Variants in OPCML observed in about 807,000 individuals in gnomAD.
The protein encoded by OPCML is opioid binding protein/cell adhesion molecule like.
In OPCML, 13 loss-of-function variants were observed where a neutral mutation model predicts 37.8. The observed-to-expected ratio is 0.34, with a 90% CI of 0.22 to 0.55. The LOEUF (loss-of-function observed/expected upper bound fraction) is 0.55. OPCML is among the 20% of genes least tolerant of loss of function. The pLI is 0.91. For synonymous variants in OPCML, 176 were observed against 168.8 expected (o/e 1.04, Z -0.33); for missense variants, 341 against 435.6 (o/e 0.78, Z 1.93).
intron 1 of OPCML, among the ~76,000 whole-genome samples, chr11:132,967,826 G>A (rs547115294): frequency 3.9e-5 from 6 of 152,232 alleles, no homozygotes; most frequent in Admixed American, 1.3e-4. Context: ...TGGTCTGCAA[G>A]CAAGGTTTCT....
intron 1 of OPCML, among the ~76,000 whole-genome samples, chr11:132,988,488 A>G (rs11223317): frequency 0.29 from 43,862 of 152,160 alleles, 7,041 homozygotes; most frequent in African/African-American, 0.43. Context: ...CTGAGAAGAT[A>G]GTAAAGGCAT....
intron 2 of OPCML, among the ~76,000 whole-genome samples, chr11:132,845,189 A>G (rs1478632430): frequency 6.6e-6 from 1 of 151,932 alleles, no homozygotes; most frequent in Non-Finnish European, 1.5e-5. Context: ...TTCTTTAGTC[A>G]TCAGTGCCTC....
chr11:132,964,860 C>A (rs1946178962), intron 1 of OPCML, among the ~76,000 whole-genome samples: 1 of 152,158 alleles, frequency 6.6e-6, no homozygotes, highest in African/African-American at 2.4e-5. Context: ...AATGGGAAAA[C>A]TGAGGCTCAG....
intron 1 of OPCML, among the ~76,000 whole-genome samples, chr11:133,150,486 G>A (rs1949963381): frequency 6.6e-6 from 1 of 152,208 alleles, no homozygotes. Context: ...TAGAGCTGCA[G>A]GAATTTGAGC....
chr11:132,492,612 G>C lies in OPCML; in HGVS notation c.505+36449C>G, dbSNP rs557806698. On this transcript the variant is annotated intron_variant, in intron 4 of 7. Transcript: ENST00000524381. ...TTCAGTTTGATTTGGGGCATAGTAA[G>C]CTTGAGAGGCCCAGTTTGGCTTCCT... is the stretch of plus-strand genomic sequence containing the variant. Among the ~76,000 whole-genome samples, 83 of 152,246 alleles carry C rather than the reference G, an allele frequency of 5.5e-4. 1 individual carries two copies. The South Asian group carries it at 5.8e-3, about 11-fold the overall frequency.
chr11:132,727,255 C>A (rs1202739671), intron 2 of OPCML, among the ~76,000 whole-genome samples: 2 of 152,172 alleles, frequency 1.3e-5, no homozygotes, highest in African/African-American at 4.8e-5. Context: ...GGATTGCAAA[C>A]CCAGGTATTC....
intron 1 of OPCML, among the ~76,000 whole-genome samples, chr11:133,418,797 C>G (rs75123850): frequency 0.065 from 9,944 of 152,212 alleles, 917 homozygotes; most frequent in African/African-American, 0.2. Context: ...TTCTGTAGGT[C>G]ATAAGATTTG....
At chr11:132,604,000 A>G (rs1311346685) in intron 3 of OPCML, among the ~76,000 whole-genome samples, 1 of 152,196 alleles carries the variant, frequency 6.6e-6, no homozygotes, top group Non-Finnish European at 1.5e-5. Context: ...TCCACAAGAA[A>G]GCCAACTCCA....
chr11:132,510,196 T>C (rs1217979589), intron 4 of OPCML, among the ~76,000 whole-genome samples: 1 of 152,192 alleles, frequency 6.6e-6, no homozygotes, highest in Admixed American at 6.5e-5. Context: ...AATTTCTCCC[T>C]TTTGGAATGA....
intron 1 of OPCML, among the ~76,000 whole-genome samples, chr11:133,399,271 C>G (rs557679529): frequency 2.6e-4 from 40 of 152,232 alleles, no homozygotes; most frequent in African/African-American, 9.1e-4. Flanking sequence ...ATTGATGACG[C>G]GTGGTGGCTT....
chr11:132,722,938 T>A (rs1311278697), intron 2 of OPCML, among the ~76,000 whole-genome samples: 3 of 152,166 alleles, frequency 2.0e-5, no homozygotes, highest in African/African-American at 4.8e-5. Context: ...AATGAAAAAG[T>A]ATCAAGGGGA....
rs144308393 is a variant in OPCML, at chr11:132,713,871, G to C, written c.147-56552C>G. Among the ~76,000 whole-genome samples, 286 of 152,306 alleles carry C rather than the reference G, an allele frequency of 1.9e-3. 1 individual carries two copies. Among genetic ancestry groups the C allele is most frequent in the African/African-American group, 6.5e-3 (271 of 41,564 alleles). ...ACATGGTATTTCCACACCAGGAAAG[G>C]TCTCCTATGAAAATGATCCCCTTTC... On this transcript the variant is annotated intron_variant, in intron 2 of 7. Transcript: ENST00000524381.
intron 2 of OPCML, among the ~76,000 whole-genome samples, chr11:132,753,247 C>A (rs1299938859): frequency 6.6e-6 from 1 of 152,136 alleles, no homozygotes; most frequent in Admixed American, 6.5e-5. Flanking sequence ...CTCTGTACTT[C>A]CATTTCAGAG....
At chr11:132,826,006 T>G (rs886348603) in intron 2 of OPCML, among the ~76,000 whole-genome samples, 9 of 152,190 alleles carry the variant, frequency 5.9e-5, no homozygotes, top group African/African-American at 2.2e-4. Flanking sequence ...TTTTCCAGAC[T>G]CTTTCAGAAT....
At chr11:133,082,085 G>C (rs1196932460) in intron 1 of OPCML, among the ~76,000 whole-genome samples, 1 of 152,002 alleles carries the variant, frequency 6.6e-6, no homozygotes, top group Non-Finnish European at 1.5e-5. Flanking sequence ...GCCCTGAGAC[G>C]GCCGGGGGTG....
chr11:132,941,466 T>G (rs1945574562), intron 2 of OPCML, among the ~76,000 whole-genome samples: 1 of 152,232 alleles, frequency 6.6e-6, no homozygotes, highest in South Asian at 2.1e-4. Flanking sequence ...TTTTCTTGGT[T>G]AACATGTATT....
At chr11:133,249,258 G>A (rs1032594934) in intron 1 of OPCML, among the ~76,000 whole-genome samples, 9 of 152,236 alleles carry the variant, frequency 5.9e-5, no homozygotes, top group African/African-American at 1.9e-4. Context: ...ATGGCAGAAG[G>A]CAAAGCGGAT....
At chr11:132,908,726 A>T (rs1240423926) in intron 2 of OPCML, among the ~76,000 whole-genome samples, 2 of 152,234 alleles carry the variant, frequency 1.3e-5, no homozygotes, top group Non-Finnish European at 2.9e-5. Flanking sequence ...AGAAAGACAT[A>T]GCGCATTGAT....
chr11:132,831,242 C>T (rs763893727), intron 2 of OPCML, among the ~76,000 whole-genome samples: 5 of 152,172 alleles, frequency 3.3e-5, no homozygotes, highest in East Asian at 1.9e-4. Flanking sequence ...AACTCACTAT[C>T]GCCCAATGAA....
Sources: gnomAD v4.1 joint callset for allele counts (sites outside exome capture counted in the v4.1 genomes callset) on GRCh38, gnomAD v4.1.1 for gene constraint, MANE v1.5 for transcripts, NCBI Gene and HGNC (gene_info 2026-07-23, HGNC 2026-07-21) for gene names.